Variants in VWDE observed in about 807,000 individuals in gnomAD.
VWDE encodes von Willebrand factor D and EGF domains, also known as von Willebrand factor D and EGF domain-containing protein.
In VWDE, 207 loss-of-function variants were observed where a neutral mutation model predicts 178.4. The observed-to-expected ratio is 1.16, with a 90% CI of 1.04 to 1.30. VWDE has a LOEUF of 1.30. Among genes scored for constraint, VWDE ranks in the 50% most tolerant of loss-of-function variants. VWDE has a pLI of 0.00. For synonymous variants in VWDE, 738 were observed against 651.4 expected (o/e 1.13, Z -2.02); for missense variants, 2,287 against 1,901.3 (o/e 1.20, Z -3.77).
chr7:12,359,036 G>A (rs1242619120), intron 16 of VWDE, among the ~76,000 whole-genome samples: 1 of 152,152 alleles, frequency 6.6e-6, no homozygotes, highest in Non-Finnish European at 1.5e-5. Flanking sequence ...CTCTAATAAT[G>A]TCTCATCTCC....
At chr7:12,345,665 A>C (rs6972689) in intron 19 of VWDE, among the ~76,000 whole-genome samples, 6,340 of 152,170 alleles carry the variant, frequency 0.042, 435 homozygotes, top group African/African-American at 0.14. Context: ...GGATATCATC[A>C]TTTGCTTTGC....
intron 6 of VWDE, among the ~76,000 whole-genome samples, 158 bp from the exon 7 acceptor site, chr7:12,378,078 T>C (rs879421874): frequency 1.3e-5 from 2 of 152,186 alleles, no homozygotes; most frequent in African/African-American, 2.4e-5. Flanking sequence ...ATCAAACTTA[T>C]ACAAATACAA....
chr7:12,371,081 G>C (rs7785905), intron 10 of VWDE, among the ~76,000 whole-genome samples: 38,454 of 151,816 alleles, frequency 0.25, 5,100 homozygotes, highest in African/African-American at 0.3. Flanking sequence ...TTACCATACT[G>C]ATCTTTTTAT....
intron 15 of VWDE, 86 bp from the exon 16 acceptor site, chr7:12,359,778 T>C: frequency 1.3e-6 from 1 of 766,652 alleles, no homozygotes; most frequent in Non-Finnish European, 2.1e-6. Context: ...GTGTATGTAT[T>C]GATGATTCCA....
intron 3 of VWDE, among the ~76,000 whole-genome samples, chr7:12,384,582 G>C (rs936148025): frequency 6.6e-6 from 1 of 151,912 alleles, no homozygotes; most frequent in African/African-American, 2.4e-5. Context: ...TGGGGTTGGG[G>C]GACTATGCAT....
rs942725867 is a variant in VWDE, at chr7:12,357,359, C to T, written c.3431G>A (p.Gly1144Glu). The T allele has an allele frequency of 1.9e-6, 3 of 1,551,776 alleles. No homozygotes were observed. Among genetic ancestry groups the T allele is most frequent in the African/African-American group, 2.7e-5 (2 of 73,056 alleles). Reference sequence around the variant, plus strand: ...TAAATCTGTTTTCCACATAAAAAGCCCTGCAGAGGAAACACTTGCCCCTTC... The same window carrying T: ...TAAATCTGTTTTCCACATAAAAAGCTCTGCAGAGGAAACACTTGCCCCTTC... ...GPEGASVSSA[G>E]LFMWKTDLLT... The change falls in exon 17 of 29, where the codon GGG (glycine) becomes GAG (glutamate). Residue 1144 changes from glycine to glutamate, a missense_variant. Gly to Glu is a moderately conservative substitution (Grantham distance 98). Coordinates refer to ENST00000275358, the MANE Select transcript of VWDE (RefSeq NM_001135924.3).
intron 19 of VWDE, among the ~76,000 whole-genome samples, chr7:12,346,303 G>C (rs1781594761): frequency 6.6e-6 from 1 of 152,098 alleles, no homozygotes; most frequent in Non-Finnish European, 1.5e-5. Context: ...CTATGCCTGA[G>C]CAATTTAGAA....
At position 12,344,121 on chromosome 7, in the gene VWDE, CT is replaced by C. The variant is rs1781473019; in HGVS notation, c.4078+73del. On this transcript the variant is annotated intron_variant, in intron 21 of 28. Transcript: ENST00000275358. ...TATATACACAGTAAAACTGAATTGT[CT>C]TGTAAAATGGTTTTTAAAGAAAATT... 3.1e-6 allele frequency: 4 copies of C among 1,278,104 alleles called. 1 individual carries two copies. The Admixed American group carries it at 8.4e-5, about 27-fold the overall frequency. The allele number at this position is 1,278,104 out of a possible 1,614,324, so 79.2% of individuals were successfully genotyped here.
chr7:12,341,645 A>AC (rs398111059), intron 23 of VWDE, among the ~76,000 whole-genome samples: 3 of 151,262 alleles, frequency 2.0e-5, no homozygotes, highest in Admixed American at 6.6e-5. Context: ...GAAAAAAAAA[A>AC]GCCTAATACT....
In VWDE at chr7:12,352,317, T is replaced by C. The variant is rs114615668; in HGVS notation, c.3746-604A>G. Among the ~76,000 whole-genome samples, 508 of 152,336 alleles carry C rather than the reference T, an allele frequency of 3.3e-3. 9 individuals carry two copies. The highest frequency in any genetic ancestry group is 0.012 in the African/African-American group (483 of 41,566). On this transcript the variant is annotated intron_variant, in intron 18 of 28. Coordinates refer to ENST00000275358, the MANE Select transcript of VWDE (RefSeq NM_001135924.3). ...ATTGATTCTTATGTGCCCCACTAGT[T>C]AGCAATAACCTCAAGAATAACTGTG...
chr7:12,393,679 A>G lies in VWDE; in HGVS notation c.158T>C (p.Leu53Pro). The G allele has an allele frequency of 6.4e-7, 1 of 1,551,314 alleles. No homozygotes were observed. The highest frequency in any genetic ancestry group is 8.7e-7 in the Non-Finnish European group (1 of 1,146,704). ...WHLQQSAVQD[L>P]ICDHSLSPGW... ...AGGGGAGAGGGAATGGTCACATATT[A>G]GGTCTTGAACAGCTGACTGCTGGAG... is the stretch of plus-strand genomic sequence containing the variant. Residue 53 changes from leucine (L) to proline (P), a missense_variant, in exon 2 of 29, where the codon CTA becomes CCA. Transcript: ENST00000275358.
chr7:12,375,199 T>A lies in VWDE; in HGVS notation c.1053A>T (p.Ala351=), dbSNP rs1160456176. ...QGREHLGLNL[A]LSSCHVDLLQ... Reference sequence around the variant, plus strand: ...GAAGGTCCACATGACAGGAAGACAGTGCCAAATTTAAGCCTAGGTGCTCTC... The same window carrying A: ...GAAGGTCCACATGACAGGAAGACAGAGCCAAATTTAAGCCTAGGTGCTCTC... The change falls in exon 8 of 29, where the codon GCA becomes GCT. Residue 351 remains alanine (A), a synonymous_variant. Transcript: ENST00000275358. 1 of 1,551,034 alleles carries A rather than the reference T, an allele frequency of 6.4e-7. No individual in the cohort carries two copies. The highest frequency in any genetic ancestry group is 1.2e-5 in the South Asian group (1 of 84,042).
chr7:12,372,818 T>C (rs1377676831), intron 10 of VWDE, among the ~76,000 whole-genome samples, 159 bp downstream of exon 10: 1 of 152,138 alleles, frequency 6.6e-6, no homozygotes, highest in African/African-American at 2.4e-5. Flanking sequence ...TATTTGTGTG[T>C]GGTGAGAAAA....
At chr7:12,368,914 G>A (rs1783004365) in intron 12 of VWDE, among the ~76,000 whole-genome samples, 1 of 152,122 alleles carries the variant, frequency 6.6e-6, no homozygotes, top group African/African-American at 2.4e-5. Flanking sequence ...TTTTTAATGT[G>A]AGGAATTTAC....
intron 8 of VWDE, 57 bp from the exon 9 acceptor site, chr7:12,374,819 T>C (rs1783422933): frequency 1.6e-6 from 2 of 1,228,474 alleles, no homozygotes; most frequent in Non-Finnish European, 1.1e-6. Flanking sequence ...TAGTGATATA[T>C]AAAAAATTGC....
chr7:12,356,187 T>C lies in VWDE; in HGVS notation c.3669A>G (p.Gln1223=), dbSNP rs2119141. 0.74 allele frequency: 1,141,761 copies of C among 1,551,112 alleles called. 421,397 individuals carry two copies. Among genetic ancestry groups the C allele is most frequent in the Admixed American group, 0.85 (43,059 of 50,930 alleles). Residue 1223 remains glutamine, a synonymous_variant, in exon 18 of 29, where the codon CAA becomes CAG. Coordinates refer to ENST00000275358, the MANE Select transcript of VWDE (RefSeq NM_001135924.3). ...AGCTGCCAAGACCACAAGGGTTGGA[T>C]TGGCACCCACTAATGTCCACTTCAC... is the stretch of plus-strand genomic sequence containing the variant. ...SLCEVDISGC[Q]SNPCGLGSYI...
rs1483902105 is a variant in VWDE, at chr7:12,393,635, T to C, written c.202A>G (p.Ile68Val). The change falls in exon 2 of 29, where the codon ATC becomes GTC. Residue 68 changes from isoleucine (I) to valine (V), a missense_variant. Coordinates refer to ENST00000275358, the MANE Select transcript of VWDE (RefSeq NM_001135924.3). ...GGCATCTCGGCAGGTCTGTCAAGGA[T>C]GAGAAATCTATACCATCCAGGGGAG... is the stretch of plus-strand genomic sequence containing the variant. ...SLSPGWYRFL[I>V]LDRPAEMPTK... The C allele has an allele frequency of 3.9e-6, 6 of 1,550,990 alleles. No individual in the cohort carries two copies. The highest frequency in any genetic ancestry group is 4.4e-6 in the Non-Finnish European group (5 of 1,146,592).
In VWDE at chr7:12,349,481, A is replaced by G. The variant is rs536197675; in HGVS notation, c.3886+2092T>C. Among the ~76,000 whole-genome samples, 24 of 151,460 alleles carry G rather than the reference A, an allele frequency of 1.6e-4. No individual in the cohort carries two copies. In the South Asian group the frequency reaches 2.5e-3, roughly 16 times the overall value. On this transcript the variant is annotated intron_variant, in intron 19 of 28. Transcript: ENST00000275358. The stretch of plus-strand genomic sequence containing the variant: ...AAACTTTGAGAGATCCTTAAAGAGA[A>G]GCTATAAATAAAAGATTTAAAAATA...
intron 26 of VWDE, among the ~76,000 whole-genome samples, chr7:12,336,560 G>T (rs1433133362): frequency 6.6e-6 from 1 of 152,054 alleles, no homozygotes; most frequent in African/African-American, 2.4e-5. Flanking sequence ...ACAATTTATA[G>T]AAAGGAAAAA....
Sources: gnomAD v4.1 joint callset for allele counts (sites outside exome capture counted in the v4.1 genomes callset) on GRCh38, gnomAD v4.1.1 for gene constraint, MANE v1.5 for transcripts, NCBI Gene and HGNC (gene_info 2026-07-23, HGNC 2026-07-21) for gene names.